KIF26B: variants seen among roughly 807,000 people sequenced by gnomAD.
KIF26B encodes the protein kinesin family member 26B.
Under a neutral mutation model 151.2 loss-of-function variants are expected in KIF26B, and 63 were observed. The ratio of observed to expected loss-of-function variants is 0.42; its 90% CI spans 0.34 to 0.51. The LOEUF (loss-of-function observed/expected upper bound fraction) is 0.51, where lower values mean the gene tolerates loss of function less well. Ranked by LOEUF, KIF26B falls within the 20% of genes least tolerant of loss-of-function variation. KIF26B has a pLI of 0.07. For missense variants in KIF26B, 2,813 were observed against 2,913.6 expected, an observed-to-expected ratio of 0.97 and a Z score of 0.79; for synonymous variants, 1,357 against 1,262.1, an observed-to-expected ratio of 1.08 and a Z score of -1.59.
At chr1:245,155,910 C>A (rs185925506) in intron 1 of KIF26B, among the ~76,000 whole-genome samples, 1 of 151,336 alleles carries the variant, frequency 6.6e-6, no homozygotes. Flanking sequence ...CTACCCCCCC[C>A]ATAGGGTCTT....
chr1:245,659,059 A>C (rs1296252403), intron 10 of KIF26B, among the ~76,000 whole-genome samples: 1 of 151,718 alleles, frequency 6.6e-6, no homozygotes, highest in Non-Finnish European at 1.5e-5. Flanking sequence ...GTGAGACTCC[A>C]TCTGTACAAA....
intron 4 of KIF26B, among the ~76,000 whole-genome samples, chr1:245,452,452 A>G (rs1327103724): frequency 6.6e-6 from 1 of 152,092 alleles, no homozygotes; most frequent in Non-Finnish European, 1.5e-5. Context: ...TTTTGGGTTT[A>G]TAACTATGAG....
At chr1:245,648,954 C>CTGCCCT (rs1387335268) in intron 10 of KIF26B, among the ~76,000 whole-genome samples, 1 of 152,230 alleles carries the variant, frequency 6.6e-6, no homozygotes, top group African/African-American at 2.4e-5. Context: ...GACTCACCAG[C>CTGCCCT]TGCCCTTGCC....
intron 2 of KIF26B, among the ~76,000 whole-genome samples, chr1:245,247,397 G>A (rs1670355856): frequency 1.3e-5 from 2 of 152,174 alleles, no homozygotes; most frequent in Admixed American, 1.3e-4. Flanking sequence ...AGGGAAGGTG[G>A]CAATCAGCCG....
At chr1:245,240,146 G>C (rs551847983) in intron 2 of KIF26B, among the ~76,000 whole-genome samples, 2 of 152,232 alleles carry the variant, frequency 1.3e-5, no homozygotes, top group South Asian at 2.1e-4. Context: ...CTGGGCAACA[G>C]AGTGAGACTC....
Position 245,485,523 on chromosome 1 carries a change from A to G in KIF26B, c.1167-55244A>G, listed in dbSNP as rs1660262799. Among the ~76,000 whole-genome samples, 4 of 151,750 alleles carry G rather than the reference A, an allele frequency of 2.6e-5. No homozygotes were observed. In the South Asian group the frequency reaches 8.3e-4, roughly 32 times the overall value. ...CCCAGCCTCCCAAGTACCTGGGATTACAGGCGCCTGCCACCACTCCTGGCT... is the reference window on the plus strand; with the variant it reads ...CCCAGCCTCCCAAGTACCTGGGATTGCAGGCGCCTGCCACCACTCCTGGCT... On this transcript the variant is annotated intron_variant, in intron 4 of 14. Transcript: ENST00000407071.
chr1:245,434,073 A>G (rs1469524583), intron 4 of KIF26B, among the ~76,000 whole-genome samples: 1 of 152,122 alleles, frequency 6.6e-6, no homozygotes, highest in Admixed American at 6.6e-5. Flanking sequence ...AATGTGGCTC[A>G]TTTTTCTCTA....
chr1:245,568,872 C>T (rs1189703877), intron 5 of KIF26B, among the ~76,000 whole-genome samples: 4 of 152,064 alleles, frequency 2.6e-5, no homozygotes, highest in South Asian at 2.1e-4. Flanking sequence ...TTGGGCAGAA[C>T]CAGAATGGAT....
At chr1:245,270,243 T>C (rs796751397) in intron 2 of KIF26B, among the ~76,000 whole-genome samples, 2 of 102,682 alleles carry the variant, frequency 1.9e-5, no homozygotes, top group Admixed American at 9.4e-5. Context: ...CCCTTTCCTT[T>C]CTTCTTCCCT....
chr1:245,614,172 A>G (rs2043558676), intron 9 of KIF26B, among the ~76,000 whole-genome samples: 1 of 151,524 alleles, frequency 6.6e-6, no homozygotes, highest in Admixed American at 6.6e-5. Flanking sequence ...CTGCTCCTTT[A>G]GTTTTTTTGT....
At chr1:245,405,636 T>TC (rs397970955) in intron 3 of KIF26B, among the ~76,000 whole-genome samples, 1 of 151,826 alleles carries the variant, frequency 6.6e-6, no homozygotes, top group Non-Finnish European at 1.5e-5. Context: ...TTTTTTTTTT[T>TC]GTATGCATGA....
intron 4 of KIF26B, among the ~76,000 whole-genome samples, chr1:245,470,588 GC>G (rs1262014229): frequency 6.6e-6 from 1 of 151,958 alleles, no homozygotes; most frequent in Non-Finnish European, 1.5e-5. Flanking sequence ...CCGCCACCAC[GC>G]CCGGCTAATT....
At chr1:245,473,004 C>A (rs548318360) in intron 4 of KIF26B, among the ~76,000 whole-genome samples, 1 of 152,356 alleles carries the variant, frequency 6.6e-6, no homozygotes, top group South Asian at 2.1e-4. Context: ...GTGTAGACAG[C>A]AGTGTGTTGT....
chr1:245,470,849 G>T (rs112080219), intron 4 of KIF26B, among the ~76,000 whole-genome samples: 1 of 152,124 alleles, frequency 6.6e-6, no homozygotes, highest in African/African-American at 2.4e-5. Context: ...GTAGCTTTCA[G>T]ATGCTCATTT....
chr1:245,652,132 GT>G (rs1477489975), intron 10 of KIF26B, among the ~76,000 whole-genome samples: 11 of 140,274 alleles, frequency 7.8e-5, no homozygotes, highest in African/African-American at 1.2e-4. Flanking sequence ...GTGTGTGTGT[GT>G]GTGTGTGTGT....
intron 9 of KIF26B, among the ~76,000 whole-genome samples, chr1:245,637,936 G>A (rs936119441): frequency 3.3e-5 from 5 of 151,934 alleles, no homozygotes; most frequent in African/African-American, 9.7e-5. Flanking sequence ...CAGATAGTAT[G>A]ATGTTTCCAG....
chr1:245,257,765 T>C (rs997164747), intron 2 of KIF26B, among the ~76,000 whole-genome samples: 12 of 152,180 alleles, frequency 7.9e-5, no homozygotes, highest in Admixed American at 2.0e-4. Flanking sequence ...CTCATACCCG[T>C]AATCCCAGCA....
At chr1:245,421,915 G>T (rs1297293342) in intron 4 of KIF26B, among the ~76,000 whole-genome samples, 1 of 152,112 alleles carries the variant, frequency 6.6e-6, no homozygotes. Context: ...CAAACACACA[G>T]CAGGGAAAGG....
chr1:245,572,521 G>A lies in KIF26B; in HGVS notation c.1351-30056G>A, dbSNP rs1211373555. On this transcript the variant is annotated intron_variant, in intron 5 of 14. Coordinates refer to ENST00000407071, the MANE Select transcript of KIF26B (RefSeq NM_018012.4). The surrounding 1 kb of genome is among the most constrained non-coding windows in gnomAD (Gnocchi z 4.2). ...GCACCGTAGCCATCACTGACCTCAGGACCCTCCCGGTGAACACTCAGTTAA... is the reference window on the plus strand; with the variant it reads ...GCACCGTAGCCATCACTGACCTCAGAACCCTCCCGGTGAACACTCAGTTAA... Among the ~76,000 whole-genome samples the A allele has an allele frequency of 6.6e-6, 1 of 152,106 alleles. No homozygotes were observed. The highest frequency in any genetic ancestry group is 1.5e-5 in the Non-Finnish European group (1 of 68,028).
Sources: allele counts gnomAD v4.1 joint callset (sites outside exome capture counted in the v4.1 genomes callset), GRCh38; gene constraint gnomAD v4.1.1; non-coding constraint Gnocchi (gnomAD v3.1); transcripts MANE v1.5; gene names NCBI Gene and HGNC (gene_info 2026-07-23, HGNC 2026-07-21).